The following PRKG1 variants were observed in gnomAD, a reference collection of about 807,000 sequenced individuals.
PRKG1 encodes cGMP-dependent protein kinase 1.
In PRKG1, 35 loss-of-function variants were observed where a neutral mutation model predicts 88.1. The ratio of observed to expected loss-of-function variants is 0.40; its 90% confidence interval spans 0.30 to 0.53. The LOEUF (loss-of-function observed/expected upper bound fraction) is 0.53. PRKG1 is among the 20% of genes least tolerant of loss of function. The pLI is 0.59. For synonymous variants in PRKG1, 303 were observed against 292.5 expected, an observed-to-expected ratio of 1.04 and a Z score of -0.37; for missense variants, 540 against 839.8, an observed-to-expected ratio of 0.64 and a Z score of 4.41.
At chr10:51,578,355 A>T (rs1837940578) in intron 3 of PRKG1, among the ~76,000 whole-genome samples, 1 of 152,136 alleles carries the variant, frequency 6.6e-6, no homozygotes, top group Non-Finnish European at 1.5e-5. Context: ...ATTCATACTC[A>T]TAATTTTTTC....
chr10:51,674,533 C>T (rs1192945346), intron 3 of PRKG1, among the ~76,000 whole-genome samples: 2 of 152,104 alleles, frequency 1.3e-5, no homozygotes, highest in African/African-American at 4.8e-5. Context: ...ATTTCATAAA[C>T]AAGAAATTTG....
At chr10:52,144,681 G>T (rs1410009368) in intron 8 of PRKG1, among the ~76,000 whole-genome samples, 1 of 152,110 alleles carries the variant, frequency 6.6e-6, no homozygotes, top group Non-Finnish European at 1.5e-5. Context: ...GCCTAGCATG[G>T]TGGCACACAC....
chr10:51,517,137 C>T (rs1364907704), intron 3 of PRKG1, among the ~76,000 whole-genome samples: 3 of 152,100 alleles, frequency 2.0e-5, no homozygotes, highest in Non-Finnish European at 4.4e-5. Context: ...AAGTTTTACA[C>T]AACACAGGAG....
chr10:51,362,851 T>C (rs1842512484), intron 2 of PRKG1, among the ~76,000 whole-genome samples: 1 of 151,894 alleles, frequency 6.6e-6, no homozygotes, highest in East Asian at 1.9e-4. Flanking sequence ...ATTGTTCAAC[T>C]CCCACTTATG....
chr10:51,180,322 T>G lies in PRKG1; in HGVS notation c.478+26992T>G, dbSNP rs571485084. ...TCACCTGTGCCTATTGTCTGATTCT[T>G]TTTTACTTCTAACCTCAGGGCTGGC... On this transcript the variant is annotated intron_variant, in intron 2 of 17. Transcript: ENST00000373980. 5.3e-5 allele frequency among the ~76,000 whole-genome samples: 8 copies of G among 152,274 alleles called. No individual in the cohort carries two copies. The South Asian group carries it at 1.7e-3, about 32-fold the overall frequency.
chr10:51,486,363 G>A (rs1180291139), intron 3 of PRKG1, among the ~76,000 whole-genome samples: 1 of 152,078 alleles, frequency 6.6e-6, no homozygotes, highest in Non-Finnish European at 1.5e-5. Flanking sequence ...ACTTTTGGAG[G>A]TTATGGATAG....
chr10:52,033,902 AG>A (rs1218668438), intron 5 of PRKG1, among the ~76,000 whole-genome samples: 4 of 151,490 alleles, frequency 2.6e-5, no homozygotes, highest in Non-Finnish European at 2.9e-5. Context: ...GGATTTGGGT[AG>A]GTAAAGGAAA....
intron 4 of PRKG1, among the ~76,000 whole-genome samples, chr10:51,841,321 A>AT (rs958591552): frequency 6.6e-6 from 1 of 152,166 alleles, no homozygotes; most frequent in African/African-American, 2.4e-5. Flanking sequence ...GACATGGTCT[A>AT]TTTTTTCAAA....
intron 3 of PRKG1, among the ~76,000 whole-genome samples, chr10:51,586,849 C>T (rs1418634249): frequency 6.6e-6 from 1 of 152,050 alleles, no homozygotes; most frequent in Non-Finnish European, 1.5e-5. Context: ...ATTTAAATTT[C>T]CTGCAGCTGT....
At chr10:51,598,315 C>T (rs1838508980) in intron 3 of PRKG1, among the ~76,000 whole-genome samples, 1 of 152,160 alleles carries the variant, frequency 6.6e-6, no homozygotes, top group Admixed American at 6.5e-5. Flanking sequence ...GCTCTATCAC[C>T]CAGGCTGCAG....
At chr10:51,754,335 C>T (rs561247239) in intron 3 of PRKG1, among the ~76,000 whole-genome samples, 2 of 152,198 alleles carry the variant, frequency 1.3e-5, no homozygotes, top group Non-Finnish European at 2.9e-5. Context: ...GGCAATACAA[C>T]TCCTCTGTCA....
intron 3 of PRKG1, among the ~76,000 whole-genome samples, chr10:51,559,090 A>G (rs966691744): frequency 2.0e-5 from 3 of 152,068 alleles, no homozygotes; most frequent in Non-Finnish European, 2.9e-5. Flanking sequence ...TGCCTAATTT[A>G]TAAATTAAAC....
chr10:52,026,099 A>C (rs1454411377), intron 5 of PRKG1, among the ~76,000 whole-genome samples: 2 of 152,066 alleles, frequency 1.3e-5, no homozygotes, highest in Non-Finnish European at 2.9e-5. Flanking sequence ...TGGTGTTGTG[A>C]AAACTGGCTA....
At chr10:51,992,122 A>G (rs1166718010) in intron 5 of PRKG1, among the ~76,000 whole-genome samples, 2 of 152,170 alleles carry the variant, frequency 1.3e-5, no homozygotes, top group Non-Finnish European at 2.9e-5. Context: ...ATGTCCATTA[A>G]TATTACAGGG....
intron 3 of PRKG1, among the ~76,000 whole-genome samples, chr10:51,704,570 T>C (rs985720641): frequency 2.6e-5 from 4 of 152,190 alleles, no homozygotes; most frequent in Non-Finnish European, 5.9e-5. Flanking sequence ...GAGAGTGATA[T>C]GTTTTAGATT....
intron 2 of PRKG1, among the ~76,000 whole-genome samples, chr10:51,227,447 C>T (rs1385752874): frequency 1.3e-5 from 2 of 152,196 alleles, no homozygotes; most frequent in Middle Eastern, 3.4e-3. Context: ...TTTTTGAATG[C>T]TGGTACCCTC....
At chr10:51,027,265 A>G (rs990667094) in intron 1 of PRKG1, among the ~76,000 whole-genome samples, 1 of 152,142 alleles carries the variant, frequency 6.6e-6, no homozygotes, top group African/African-American at 2.4e-5. Flanking sequence ...TTAGCATCTC[A>G]TTGATCCTGT....
intron 7 of PRKG1, among the ~76,000 whole-genome samples, chr10:52,067,449 A>T (rs987717345): frequency 1.3e-5 from 2 of 152,232 alleles, no homozygotes; most frequent in Admixed American, 6.5e-5. Flanking sequence ...TTAAGCACAC[A>T]GTAGAAAATG....
At chr10:51,246,374 T>G (rs1213360201) in intron 2 of PRKG1, among the ~76,000 whole-genome samples, 2 of 152,006 alleles carry the variant, frequency 1.3e-5, no homozygotes, top group Admixed American at 6.6e-5. Context: ...GATAGAGAGA[T>G]AGCACTCCAC....
Sources: gnomAD v4.1 joint callset for allele counts (sites outside exome capture counted in the v4.1 genomes callset) on GRCh38, gnomAD v4.1.1 for gene constraint, MANE v1.5 for transcripts, NCBI Gene and HGNC (gene_info 2026-07-23, HGNC 2026-07-21) for gene names.